The following RIPK2 variants were observed in gnomAD, a reference collection of about 807,000 sequenced individuals.
RIPK2 encodes the protein receptor interacting serine/threonine kinase 2.
RIPK2 carries 38 observed loss-of-function variants against 60.9 expected under a neutral mutation model. That is an observed-to-expected ratio of 0.62 (90% CI 0.48 to 0.82). RIPK2 has a LOEUF of 0.82. RIPK2 is among the 40% of genes least tolerant of loss of function. The pLI, the probability that RIPK2 is intolerant of heterozygous loss-of-function variation, is 0.00. For missense variants in RIPK2, 518 were observed against 647.0 expected (o/e 0.80, Z 2.16); for synonymous variants, 225 against 223.4 (o/e 1.01, Z -0.06).
Position 89,790,319 on chromosome 8 carries a change from T to G in RIPK2, c.1526T>G (p.Leu509Trp). ...EEFAKVIVQKLKDNKQMGLQP... is the reference protein window; with the variant it reads ...EEFAKVIVQKWKDNKQMGLQP... Reference sequence around the variant, plus strand: ...TTTGCCAAAGTTATAGTACAAAAATTGAAAGATAACAAACAAATGGGTCTT... The same window carrying G: ...TTTGCCAAAGTTATAGTACAAAAATGGAAAGATAACAAACAAATGGGTCTT... The change falls in exon 11 of 11, where the codon TTG becomes TGG. Residue 509 changes from leucine (L) to tryptophan (W), a missense_variant. Physicochemically the swap from Leu to Trp is moderately conservative, Grantham distance 61. Transcript: ENST00000220751. 2 of 1,614,058 alleles carry G rather than the reference T, an allele frequency of 1.2e-6. No homozygotes were observed. The highest frequency in any genetic ancestry group is 2.2e-5 in the South Asian group (2 of 91,084).
intron 5 of RIPK2, 122 bp from the exon 6 acceptor site, chr8:89,772,545 G>T: frequency 3.1e-6 from 2 of 655,732 alleles, no homozygotes; most frequent in South Asian, 2.1e-5. Context: ...TACAGAAAGG[G>T]GGGTAAGGCA....
At chr8:89,772,518 G>T (rs1809330536) in intron 5 of RIPK2, 149 bp from the exon 6 acceptor site, 1 of 571,548 alleles carries the variant, frequency 1.7e-6, no homozygotes. Context: ...AATGGTTTGG[G>T]GTATATATAT....
Position 89,790,417 on chromosome 8 carries a change from G to A in RIPK2, c.*1G>A, listed in dbSNP as rs1039283119. 2 of 1,558,830 alleles carry A rather than the reference G, an allele frequency of 1.3e-6. No homozygotes were observed. The highest frequency in any genetic ancestry group is 1.4e-5 in the African/African-American group (1 of 72,580). On this transcript the variant is annotated 3_prime_UTR_variant, in exon 11 of 11. Coordinates refer to ENST00000220751, the MANE Select transcript of RIPK2 (RefSeq NM_003821.6). ...TTTACTTCAAAATAAAAGCATGTAA[G>A]TGACTGTTTTTCAAGAAGAAATGTG...
At position 89,787,654 on chromosome 8, in the gene RIPK2, A is replaced by G. The variant is rs567788451; in HGVS notation, c.1123+968A>G. 2.4e-4 allele frequency among the ~76,000 whole-genome samples: 36 copies of G among 152,380 alleles called. 1 individual carries two copies. In the South Asian group the frequency reaches 7.5e-3, roughly 32 times the overall value. On this transcript the variant is annotated intron_variant, in intron 9 of 10. Transcript: ENST00000220751. ...TAAGAGCTAAGTAGATTGGAGTCATATCATCAAGAATTCTAACTTTCAGCT... is the reference window on the plus strand; with the variant it reads ...TAAGAGCTAAGTAGATTGGAGTCATGTCATCAAGAATTCTAACTTTCAGCT...
In RIPK2 at chr8:89,771,737, A is replaced by T; in HGVS notation, c.642-4A>T. The T allele has an allele frequency of 6.3e-7, 1 of 1,593,166 alleles. No individual in the cohort carries two copies. The highest frequency in any genetic ancestry group is 8.6e-7 in the Non-Finnish European group (1 of 1,165,992). ...TGTAACATGTATGTTCTTATGTTAA[A>T]CAGCTATGCAGTTATCACATGGGAA... is the stretch of plus-strand genomic sequence containing the variant. On this transcript the variant is annotated splice_region_variant and splice_polypyrimidine_tract_variant and intron_variant, in intron 4 of 10. Transcript: ENST00000220751.
intron 2 of RIPK2, 95 bp downstream of exon 2, chr8:89,763,077 G>T: frequency 1.4e-6 from 1 of 739,156 alleles, no homozygotes; most frequent in Non-Finnish European, 2.0e-6. Context: ...TTATTTAGGG[G>T]TATATAGATG....
chr8:89,759,382 T>C, intron 1 of RIPK2: 1 of 456,276 alleles, frequency 2.2e-6, no homozygotes. Flanking sequence ...TACAACATTC[T>C]CTTCTCCTCC....
chr8:89,757,913 G>A lies in RIPK2; in HGVS notation c.-148G>A. Reference sequence around the variant, plus strand: ...GGCGTGGGCCATCCGGGGAATGGGCGCCCTCGTGACCTAGTGTTGCGGGGC... The same window carrying A: ...GGCGTGGGCCATCCGGGGAATGGGCACCCTCGTGACCTAGTGTTGCGGGGC... On this transcript the variant is annotated 5_prime_UTR_variant, in exon 1 of 11. Coordinates refer to ENST00000220751, the MANE Select transcript of RIPK2 (RefSeq NM_003821.6). The A allele has an allele frequency of 1.4e-6, 2 of 1,382,496 alleles. No individual in the cohort carries two copies. Among genetic ancestry groups the A allele is most frequent in the Non-Finnish European group, 1.9e-6 (2 of 1,070,196 alleles). The allele number at this position is 1,382,496 out of a possible 1,614,324, so 85.6% of individuals were successfully genotyped here.
intron 6 of RIPK2, among the ~76,000 whole-genome samples, chr8:89,779,310 G>GTTTTTTTTTTTTTTTTT (rs55784154): frequency 5.1e-5 from 4 of 79,092 alleles, no homozygotes; most frequent in African/African-American, 5.8e-5. Context: ...CGGTTTTTGG[G>GTTTTTTTTTTTTTTTTT]TTTTTTTTTT....
intron 6 of RIPK2, among the ~76,000 whole-genome samples, chr8:89,779,873 A>G (rs1809468862): frequency 1.3e-5 from 2 of 152,210 alleles, no homozygotes; most frequent in Admixed American, 6.5e-5. Flanking sequence ...CATTTGTCCA[A>G]AAACAGGTGT....
At chr8:89,789,055 A>C (rs930012619) in intron 9 of RIPK2, among the ~76,000 whole-genome samples, 1 of 152,178 alleles carries the variant, frequency 6.6e-6, no homozygotes, top group Admixed American at 6.5e-5. Context: ...AAAATATGGG[A>C]CTATGTAAAG....
Position 89,790,477 on chromosome 8 carries a change from G to A in RIPK2, c.*61G>A. On this transcript the variant is annotated 3_prime_UTR_variant, in exon 11 of 11. Coordinates refer to ENST00000220751, the MANE Select transcript of RIPK2 (RefSeq NM_003821.6). ...AGGATATTTATATCTCTGTTGCTTT[G>A]ACTTTTTTTATATAAAATCCGTGAG... The A allele has an allele frequency of 8.0e-7, 1 of 1,250,554 alleles. No homozygotes were observed. The highest frequency in any genetic ancestry group is 1.1e-6 in the Non-Finnish European group (1 of 911,874). The allele number at this position is 1,250,554 out of a possible 1,614,324, so 77.5% of individuals were successfully genotyped here. A position where few individuals can be genotyped will look rare whatever the true frequency, so the allele number is the denominator to read the frequency against.
rs1432802078 is a variant in RIPK2 at position 89,762,993 on chromosome 8, C to T, written c.327+11C>T. ...GAACTCCTACATAGGGTAAGTATTA[C>T]ACAGTTTTAGTGGCCATAATTGCCA... On this transcript the variant is annotated intron_variant, in intron 2 of 10. Coordinates refer to ENST00000220751, the MANE Select transcript of RIPK2 (RefSeq NM_003821.6). 1 of 1,398,338 alleles carries T rather than the reference C, an allele frequency of 7.2e-7. No individual in the cohort carries two copies. The highest frequency in any genetic ancestry group is 2.6e-5 in the East Asian group (1 of 38,772). 86.6% of individuals were successfully genotyped at this position (1,398,338 alleles called of 1,614,324 possible).
chr8:89,765,478 C>T lies in RIPK2; in HGVS notation c.465C>T (p.Asp155=), dbSNP rs1393563340. 2 of 1,579,428 alleles carry T rather than the reference C, an allele frequency of 1.3e-6. No individual in the cohort carries two copies. Among genetic ancestry groups the T allele is most frequent in the South Asian group, 1.1e-5 (1 of 88,946 alleles). The change falls in exon 3 of 11, where the codon GAC becomes GAT. Residue 155 remains aspartate (D), a synonymous_variant. Coordinates refer to ENST00000220751, the MANE Select transcript of RIPK2 (RefSeq NM_003821.6). ...HDLKTQNILL[D]NEFHVKIADF... is the part of the protein sequence containing the mutation. ...TGAAGACTCAGAATATCTTATTGGA[C>T]AATGAATTTCATGTTAAGGTAATTA...
chr8:89,789,156 T>C (rs989400241), intron 9 of RIPK2, among the ~76,000 whole-genome samples, 165 bp from the exon 10 acceptor site: 4 of 152,204 alleles, frequency 2.6e-5, no homozygotes, highest in African/African-American at 9.6e-5. Flanking sequence ...CCTTTTTTGT[T>C]TTAAGAAATA....
In RIPK2 at chr8:89,765,462, A is replaced by C; in HGVS notation, c.449A>C (p.Gln150Pro). 6.3e-7 allele frequency: 1 copy of C among 1,594,006 alleles called. No homozygotes were observed. Among genetic ancestry groups the C allele is most frequent in the Non-Finnish European group, 8.6e-7 (1 of 1,162,970 alleles). Residue 150 changes from glutamine (Q) to proline (P), a missense_variant, in exon 3 of 11, where the codon CAG becomes CCG. Gln to Pro is a moderately conservative substitution (Grantham distance 76, BLOSUM62 -1). Around this residue, in one of 3 missense-constraint regions of RIPK2, gnomAD observed 448 missense variants for 534.7 expected, o/e 0.84. Transcript: ENST00000220751. ...TTACTTCATCATGACTTGAAGACTC[A>C]GAATATCTTATTGGACAATGAATTT... Reference protein sequence around the residue: ...PPLLHHDLKTQNILLDNEFHV... With the variant: ...PPLLHHDLKTPNILLDNEFHV...
chr8:89,766,694 G>C (rs931770535), intron 3 of RIPK2, among the ~76,000 whole-genome samples: 1 of 151,334 alleles, frequency 6.6e-6, no homozygotes, highest in Non-Finnish European at 1.5e-5. Flanking sequence ...CTGTTTAGCT[G>C]TTCTAATAGA....
chr8:89,787,975 GAA>G (rs1204779503), intron 9 of RIPK2, among the ~76,000 whole-genome samples: 1 of 152,000 alleles, frequency 6.6e-6, no homozygotes, highest in Non-Finnish European at 1.5e-5. Context: ...AGCGATGAGA[GAA>G]AAAAGAGGTA....
intron 6 of RIPK2, among the ~76,000 whole-genome samples, chr8:89,776,370 C>T (rs75872265): frequency 0.032 from 4,805 of 152,258 alleles, 244 homozygotes; most frequent in African/African-American, 0.11. Flanking sequence ...TCTCAAGACT[C>T]TTCAAAATTA....
Sources: gnomAD v4.1 joint callset for allele counts (sites outside exome capture counted in the v4.1 genomes callset) on GRCh38, gnomAD v4.1.1 for gene constraint, gnomAD v4.1.1 regional missense constraint, MANE v1.5 for transcripts, NCBI Gene and HGNC (gene_info 2026-07-23, HGNC 2026-07-21) for gene names.